The following UIMC1 variants were observed in gnomAD, a reference collection of about 807,000 sequenced individuals.
UIMC1 encodes ubiquitin interaction motif containing 1, also known as BRCA1-A complex subunit RAP80.
In UIMC1, 42 loss-of-function variants were observed where a neutral mutation model predicts 84.9. The ratio of observed to expected loss-of-function variants is 0.49; its 90% CI spans 0.39 to 0.64. UIMC1 has a LOEUF of 0.64. UIMC1 is among the 30% of genes least tolerant of loss of function. The pLI is 0.00. For synonymous variants in UIMC1, 281 were observed against 293.0 expected (o/e 0.96, Z 0.42); for missense variants, 825 against 847.6 (o/e 0.97, Z 0.33).
At chr5:177,017,206 T>G (rs574401692) in intron 1 of UIMC1, among the ~76,000 whole-genome samples, 247 of 152,312 alleles carry the variant, frequency 1.6e-3, no homozygotes, top group African/African-American at 5.7e-3. Flanking sequence ...CAAACAACAC[T>G]TCTTTACATC....
intron 1 of UIMC1, among the ~76,000 whole-genome samples, chr5:176,988,834 C>A (rs1772403461): frequency 6.6e-6 from 1 of 152,008 alleles, no homozygotes; most frequent in Non-Finnish European, 1.5e-5. Context: ...CAGGCATGTG[C>A]CACCACGCCA....
chr5:176,955,860 A>T, intron 8 of UIMC1, 99 bp downstream of exon 8: 2 of 1,126,710 alleles, frequency 1.8e-6, no homozygotes, highest in East Asian at 4.8e-5. Flanking sequence ...TTACATACAA[A>T]CCTCCAGAGA....
At chr5:177,009,016 T>G (rs928764316), upstream of UIMC1, among the ~76,000 whole-genome samples, 6 of 137,972 alleles carry the variant, frequency 4.3e-5, no homozygotes, top group African/African-American at 1.6e-4. The surrounding 1 kb of genome is among the most constrained non-coding windows in gnomAD (Gnocchi z 4.3). Flanking sequence ...TTTTTTGGTG[T>G]TTTTTTTTTT....
intron 1 of UIMC1, among the ~76,000 whole-genome samples, chr5:176,992,960 T>C (rs982538701): frequency 2.0e-5 from 3 of 151,856 alleles, no homozygotes; most frequent in Non-Finnish European, 4.4e-5. Context: ...CTGAGGCAGG[T>C]GGATCACCTG....
chr5:176,960,350 G>T (rs959447835), intron 6 of UIMC1, among the ~76,000 whole-genome samples: 2 of 152,084 alleles, frequency 1.3e-5, no homozygotes, highest in Admixed American at 1.3e-4. Flanking sequence ...TTTTAATTTA[G>T]AAATTTATAC....
intron 7 of UIMC1, 66 bp from the exon 8 acceptor site, chr5:176,956,101 A>T (rs1278539707): frequency 1.3e-6 from 2 of 1,495,404 alleles, no homozygotes; most frequent in Non-Finnish European, 1.9e-6. Flanking sequence ...GCCAAAAGCA[A>T]TGGTGAGTCA....
chr5:176,982,690 T>TTTA, intron 1 of UIMC1, 67 bp from the exon 2 acceptor site: 1 of 1,500,038 alleles, frequency 6.7e-7, no homozygotes, highest in East Asian at 2.4e-5. Context: ...GTATAAGTTT[T>TTTA]CTAGAAGCTA....
At chr5:176,915,296 G>A (rs1472964071) in intron 10 of UIMC1, among the ~76,000 whole-genome samples, 1 of 147,514 alleles carries the variant, frequency 6.8e-6, no homozygotes, top group Non-Finnish European at 1.5e-5. Context: ...CAGATTAAAT[G>A]CTAATAAATA....
chr5:176,932,140 G>A (rs932447373), intron 10 of UIMC1, among the ~76,000 whole-genome samples: 1 of 152,162 alleles, frequency 6.6e-6, no homozygotes, highest in African/African-American at 2.4e-5. Flanking sequence ...GAGTATGTAC[G>A]TCAGTACTGT....
intron 2 of UIMC1, 105 bp from the exon 3 acceptor site, chr5:176,975,585 G>A (rs1007873520): frequency 1.9e-6 from 2 of 1,044,008 alleles, no homozygotes; most frequent in Non-Finnish European, 2.9e-6. Flanking sequence ...AGGAATTGGT[G>A]ATTGTTATAA....
At position 176,969,522 on chromosome 5, in the gene UIMC1, G is replaced by A. The variant is rs114035608; in HGVS notation, c.463+79C>T. ...CACCAAAAGGATCTGGGGTATTTCC[G>A]TGTATCTACTCTCAGCATGAGATCC... is the stretch of plus-strand genomic sequence containing the variant. On this transcript the variant is annotated intron_variant, in intron 5 of 14. Transcript: ENST00000511320. The A allele has an allele frequency of 4.2e-4, 610 of 1,443,060 alleles. 1 individual carries two copies. The highest frequency in any genetic ancestry group is 6.2e-4 in the South Asian group (52 of 84,458). 89.4% of individuals were successfully genotyped at this position (1,443,060 alleles called of 1,614,324 possible).
At chr5:176,958,072 T>C (rs369507676) in intron 7 of UIMC1, 21 bp downstream of exon 7, 3 of 1,612,536 alleles carry the variant, frequency 1.9e-6, no homozygotes, top group East Asian at 2.2e-5. Context: ...GGAGAATGCA[T>C]AGCAACATAT....
intron 1 of UIMC1, among the ~76,000 whole-genome samples, chr5:177,014,714 A>G (rs1200761053): frequency 5.9e-5 from 9 of 152,138 alleles, no homozygotes; most frequent in Admixed American, 5.9e-4. Flanking sequence ...ATAAATAAAT[A>G]AATAAAGGCA....
At position 176,993,935 on chromosome 5, in the gene UIMC1, G is replaced by A. The variant is rs138617507; in HGVS notation, c.-8-11312C>T. On this transcript the variant is annotated intron_variant, in intron 1 of 14. Transcript: ENST00000511320. ...AGGCAGGAGAACTGCTTGCACTCAG[G>A]AAGCAGAGGTTGCAGTGAGCCAAGA... Among the ~76,000 whole-genome samples, 954 of 151,324 alleles carry A rather than the reference G, an allele frequency of 6.3e-3. 14 individuals carry two copies. The highest frequency in any genetic ancestry group is 0.022 in the African/African-American group (892 of 41,170).
At chr5:176,914,743 G>A (rs1760749137) in intron 10 of UIMC1, among the ~76,000 whole-genome samples, 1 of 152,136 alleles carries the variant, frequency 6.6e-6, no homozygotes, top group South Asian at 2.1e-4. Flanking sequence ...TAGAAGCGGG[G>A]AATCAGATTA....
chr5:176,908,137 T>C (rs548157072), intron 12 of UIMC1, among the ~76,000 whole-genome samples: 2 of 152,140 alleles, frequency 1.3e-5, no homozygotes, highest in South Asian at 2.1e-4. Context: ...ATATAGTATG[T>C]TGTGTGTGTG....
intron 9 of UIMC1, among the ~76,000 whole-genome samples, chr5:176,950,986 G>T (rs1321574330): frequency 1.3e-5 from 2 of 151,998 alleles, no homozygotes; most frequent in African/African-American, 4.8e-5. Flanking sequence ...GAAAGGTAAT[G>T]ATGCAAATAG....
chr5:176,950,091 G>T (rs1025640185), intron 9 of UIMC1, among the ~76,000 whole-genome samples: 1 of 146,192 alleles, frequency 6.8e-6, no homozygotes, highest in Non-Finnish European at 1.5e-5. Context: ...AATATAAAAA[G>T]GAACCTTTCT....
intron 1 of UIMC1, among the ~76,000 whole-genome samples, chr5:176,997,045 C>G (rs778429451): frequency 6.6e-6 from 1 of 152,160 alleles, no homozygotes; most frequent in Non-Finnish European, 1.5e-5. Flanking sequence ...CACACACACA[C>G]ACACAAATTT....
Sources: allele counts gnomAD v4.1 joint callset (sites outside exome capture counted in the v4.1 genomes callset), GRCh38; gene constraint gnomAD v4.1.1; non-coding constraint Gnocchi (gnomAD v3.1); transcripts MANE v1.5; gene names NCBI Gene and HGNC (gene_info 2026-07-23, HGNC 2026-07-21).